Variants in SHANK2 observed in about 807,000 individuals in gnomAD.
SHANK2 encodes SH3 and multiple ankyrin repeat domains 2.
A neutral mutation model predicts 133.7 loss-of-function variants in SHANK2; 43 were observed. That is an observed-to-expected ratio of 0.32 (90% CI 0.25 to 0.41). SHANK2 has a LOEUF of 0.41. SHANK2 is among the 10% of genes least tolerant of loss of function. The probability of loss-of-function intolerance (pLI) is 1.00; values close to 1 mark genes in which losing one functional copy is unlikely to be tolerated. For synonymous variants in SHANK2, 1,017 were observed against 952.8 expected, an observed-to-expected ratio of 1.07 and a Z score of -1.24; for missense variants, 1,994 against 2,235.8, an observed-to-expected ratio of 0.89 and a Z score of 2.18.
intron 17 of SHANK2, among the ~76,000 whole-genome samples, chr11:70,512,536 C>T (rs1367731502): frequency 6.6e-6 from 1 of 152,164 alleles, no homozygotes; most frequent in Non-Finnish European, 1.5e-5. Flanking sequence ...GTTTGTTGGT[C>T]GGTTTTTCTA....
intron 17 of SHANK2, among the ~76,000 whole-genome samples, chr11:70,656,681 C>T (rs2061409751): frequency 6.6e-6 from 1 of 152,148 alleles, no homozygotes; most frequent in Non-Finnish European, 1.5e-5. Context: ...ACCCGTGGGA[C>T]ATTCACTTAT....
At chr11:71,226,861 T>C (rs1263971153) in intron 1 of SHANK2, among the ~76,000 whole-genome samples, 1 of 152,138 alleles carries the variant, frequency 6.6e-6, no homozygotes, top group Non-Finnish European at 1.5e-5. Context: ...GCAAATATAA[T>C]AGGCTTTCCT....
In SHANK2 at chr11:71,147,233, TCTC is replaced by T; in HGVS notation, c.91_93del (p.Glu31del). On this transcript the variant is annotated inframe_deletion, in exon 3 of 26. Transcript: ENST00000601538. ...GTGGCCCGGATCGTGTCATAGATGG[TCTC>T]TTCTTTGGAGCTGTCTGACTCCGAC... 6.4e-7 allele frequency: 1 copy of T among 1,550,830 alleles called. No homozygotes were observed. The highest frequency in any genetic ancestry group is 1.4e-5 in the African/African-American group (1 of 73,116).
chr11:70,633,147 G>A (rs1478695733), intron 17 of SHANK2, among the ~76,000 whole-genome samples: 1 of 149,748 alleles, frequency 6.7e-6, no homozygotes, highest in Non-Finnish European at 1.5e-5. Flanking sequence ...TATTATGTAT[G>A]TTATATATAA....
intron 8 of SHANK2, among the ~76,000 whole-genome samples, chr11:71,086,522 T>A (rs1038404999): frequency 2.8e-5 from 4 of 141,066 alleles, no homozygotes; most frequent in Admixed American, 7.6e-5. Flanking sequence ...ATATAATATA[T>A]AATATAAATA....
chr11:70,743,456 C>A (rs1946575644), intron 14 of SHANK2, among the ~76,000 whole-genome samples: 1 of 152,218 alleles, frequency 6.6e-6, no homozygotes, highest in Admixed American at 6.5e-5. Flanking sequence ...AAGGACTTTC[C>A]AGCCTCCAGA....
At chr11:71,218,261 CTTTTTTTT>C (rs71049964) in intron 2 of SHANK2, among the ~76,000 whole-genome samples, 4 of 72,522 alleles carry the variant, frequency 5.5e-5, no homozygotes, top group Non-Finnish European at 8.5e-5. Flanking sequence ...TTTTCTTTTT[CTTTTTTTT>C]TTTTTTTTTT....
At chr11:70,648,793 C>T (rs1040698205) in intron 17 of SHANK2, among the ~76,000 whole-genome samples, 27 of 152,108 alleles carry the variant, frequency 1.8e-4, no homozygotes, top group African/African-American at 5.1e-4. Context: ...TTGTCCAAGA[C>T]GGAAGTTCTA....
intron 15 of SHANK2, among the ~76,000 whole-genome samples, chr11:70,690,192 T>C (rs1945245589): frequency 1.3e-5 from 2 of 152,196 alleles, no homozygotes; most frequent in Middle Eastern, 3.4e-3. Flanking sequence ...AGAGGACAGA[T>C]TCCAGTGATA....
chr11:70,477,780 A>G (rs1555150519), intron 25 of SHANK2, among the ~76,000 whole-genome samples: 1 of 152,168 alleles, frequency 6.6e-6, no homozygotes. Flanking sequence ...TGAGTGTGAG[A>G]CGCAGGGTGA....
rs138751235 is a variant in SHANK2, at chr11:70,879,358, C to T, written c.1174+17143G>A. On this transcript the variant is annotated intron_variant, in intron 11 of 25. Transcript: ENST00000601538. Reference sequence around the variant, plus strand: ...TACCCAGCATATTCTTATGAGGCTCCGATATTTGAAATCCCAAAAGGCACT... The same window carrying T: ...TACCCAGCATATTCTTATGAGGCTCTGATATTTGAAATCCCAAAAGGCACT... Among the ~76,000 whole-genome samples the T allele has an allele frequency of 4.3e-4, 66 of 152,302 alleles. 1 individual carries two copies. The East Asian group carries it at 7.5e-3, about 17-fold the overall frequency.
At chr11:71,163,744 C>G (rs1555110270) in intron 2 of SHANK2, among the ~76,000 whole-genome samples, 1 of 152,218 alleles carries the variant, frequency 6.6e-6, no homozygotes, top group Non-Finnish European at 1.5e-5. Context: ...CAAAAGATTG[C>G]AGTGTGAGCT....
chr11:70,791,826 C>T (rs1047224819), intron 14 of SHANK2, among the ~76,000 whole-genome samples: 1 of 152,200 alleles, frequency 6.6e-6, no homozygotes, highest in African/African-American at 2.4e-5. Context: ...TATCTGTGTG[C>T]TCCGACATGC....
intron 14 of SHANK2, among the ~76,000 whole-genome samples, chr11:70,746,972 C>T (rs1423748663): frequency 6.9e-6 from 1 of 144,024 alleles, no homozygotes; most frequent in African/African-American, 2.6e-5. Flanking sequence ...CACCCCAGCA[C>T]TCCCCTCCCT....
intron 14 of SHANK2, among the ~76,000 whole-genome samples, chr11:70,789,082 G>A (rs1459048535): frequency 6.6e-6 from 1 of 152,156 alleles, no homozygotes; most frequent in Non-Finnish European, 1.5e-5. Context: ...GAGAGTGGCT[G>A]GAAAGGAGAG....
intron 14 of SHANK2, among the ~76,000 whole-genome samples, chr11:70,752,390 C>A (rs1288409060): frequency 3.3e-5 from 5 of 152,038 alleles, no homozygotes; most frequent in Non-Finnish European, 5.9e-5. Flanking sequence ...AGGAAAATTG[C>A]CAGGGATAAA....
intron 10 of SHANK2, among the ~76,000 whole-genome samples, chr11:70,938,307 T>C (rs1555083769): frequency 1.3e-5 from 2 of 152,086 alleles, no homozygotes; most frequent in African/African-American, 4.8e-5. Context: ...GTGCTGAGGA[T>C]AAAATAACAC....
intron 11 of SHANK2, among the ~76,000 whole-genome samples, chr11:70,847,204 C>T (rs191435725): frequency 1.1e-4 from 16 of 152,314 alleles, no homozygotes; most frequent in African/African-American, 1.2e-4. Context: ...CACAGGTCTA[C>T]GTTCCAGGCC....
chr11:70,593,801 C>T (rs1199058626), intron 17 of SHANK2, among the ~76,000 whole-genome samples: 4 of 152,210 alleles, frequency 2.6e-5, no homozygotes, highest in Non-Finnish European at 2.9e-5. Flanking sequence ...CTGGAGGGAC[C>T]TATGCAACTG....
Sources: allele counts gnomAD v4.1 joint callset (sites outside exome capture counted in the v4.1 genomes callset), GRCh38; gene constraint gnomAD v4.1.1; transcripts MANE v1.5; gene names NCBI Gene and HGNC (gene_info 2026-07-23, HGNC 2026-07-21).